Variants in CPA6 observed in about 807,000 individuals in gnomAD.
CPA6 encodes the protein carboxypeptidase B.
CPA6 carries 58 observed loss-of-function variants against 63.3 expected under a neutral mutation model. That is an observed-to-expected ratio of 0.92 (90% CI 0.74 to 1.14). CPA6 has a LOEUF of 1.14. Among genes scored for constraint, CPA6 ranks in the 50% most tolerant of loss-of-function variants. The probability of loss-of-function intolerance (pLI) is 0.00; values close to 1 mark genes in which losing one functional copy is unlikely to be tolerated. For missense variants in CPA6, 565 were observed against 526.6 expected, an observed-to-expected ratio of 1.07 and a Z score of -0.71; for synonymous variants, 185 against 179.0, an observed-to-expected ratio of 1.03 and a Z score of -0.27.
At chr8:67,568,810 G>A (rs1261052317) in intron 2 of CPA6, among the ~76,000 whole-genome samples, 1 of 152,222 alleles carries the variant, frequency 6.6e-6, no homozygotes, top group Non-Finnish European at 1.5e-5. Context: ...GAGTGCAGTG[G>A]CACGATCTCG....
chr8:67,621,478 GAGGCAAGAGGC>G (rs1459215147), intron 2 of CPA6, among the ~76,000 whole-genome samples: 1 of 152,152 alleles, frequency 6.6e-6, no homozygotes, highest in Non-Finnish European at 1.5e-5. Context: ...AAACTGACTA[GAGGCAAGAGGC>G]AGGCCTCATT....
At chr8:67,611,066 G>A (rs1814793998) in intron 2 of CPA6, among the ~76,000 whole-genome samples, 1 of 147,534 alleles carries the variant, frequency 6.8e-6, no homozygotes, top group African/African-American at 2.6e-5. Context: ...CATCTACCAT[G>A]GCCATGGCCT....
At chr8:67,682,006 A>G (rs894532725) in intron 1 of CPA6, among the ~76,000 whole-genome samples, 1 of 152,132 alleles carries the variant, frequency 6.6e-6, no homozygotes, top group Non-Finnish European at 1.5e-5. Flanking sequence ...GGGGGAAAAA[A>G]CCTGTTACTT....
chr8:67,740,041 T>A (rs2129004175), intron 1 of CPA6, among the ~76,000 whole-genome samples: 1 of 152,288 alleles, frequency 6.6e-6, no homozygotes, highest in East Asian at 1.9e-4. Flanking sequence ...ACAAGAGGCA[T>A]ATTTGAAGAC....
intron 2 of CPA6, among the ~76,000 whole-genome samples, chr8:67,575,052 T>G (rs1212553550): frequency 6.6e-6 from 1 of 151,618 alleles, no homozygotes; most frequent in Non-Finnish European, 1.5e-5. Flanking sequence ...AAACAAATAA[T>G]CCAATTTAAA....
intron 8 of CPA6, among the ~76,000 whole-genome samples, chr8:67,459,714 A>G (rs1036083743): frequency 4.6e-5 from 7 of 152,216 alleles, no homozygotes; most frequent in African/African-American, 1.7e-4. Context: ...ATTTTACCAA[A>G]CCCATAGAAT....
chr8:67,434,312 T>G, intron 8 of CPA6, 72 bp from the exon 9 acceptor site: 1 of 1,178,300 alleles, frequency 8.5e-7, no homozygotes, highest in South Asian at 1.3e-5. Flanking sequence ...TCAGCACTGT[T>G]AAGCTGTGAT....
chr8:67,588,090 T>C (rs980312638), intron 2 of CPA6, among the ~76,000 whole-genome samples: 2 of 152,186 alleles, frequency 1.3e-5, no homozygotes, highest in African/African-American at 4.8e-5. Context: ...CATAGGGGGA[T>C]TGCTATTCCT....
At chr8:67,545,099 G>A (rs1812787354) in intron 2 of CPA6, among the ~76,000 whole-genome samples, 1 of 152,062 alleles carries the variant, frequency 6.6e-6, no homozygotes. Flanking sequence ...TTGGAATAAT[G>A]ATATTTTATA....
At chr8:67,697,766 G>A (rs1257062769) in intron 1 of CPA6, among the ~76,000 whole-genome samples, 3 of 149,580 alleles carry the variant, frequency 2.0e-5, no homozygotes, top group African/African-American at 7.3e-5. Flanking sequence ...GCAGTCGCAG[G>A]AAAAAAAAAA....
At chr8:67,564,065 A>T (rs777464642) in intron 2 of CPA6, among the ~76,000 whole-genome samples, 7 of 152,184 alleles carry the variant, frequency 4.6e-5, no homozygotes, top group Non-Finnish European at 1.0e-4. Flanking sequence ...CTTTGCATAA[A>T]TTGTTCACAG....
intron 2 of CPA6, among the ~76,000 whole-genome samples, chr8:67,597,260 G>T (rs200462142): frequency 6.8e-6 from 1 of 147,332 alleles, no homozygotes; most frequent in Non-Finnish European, 1.5e-5. Flanking sequence ...GTGCAGTGGC[G>T]TGATCTCAGC....
At chr8:67,520,527 T>C (rs1812237512) in intron 2 of CPA6, among the ~76,000 whole-genome samples, 1 of 152,304 alleles carries the variant, frequency 6.6e-6, no homozygotes, top group East Asian at 1.9e-4. Flanking sequence ...GAAAGGGTAT[T>C]TGAATAAGCA....
At chr8:67,643,404 TATC>T (rs1563374307) in intron 1 of CPA6, among the ~76,000 whole-genome samples, 1 of 152,218 alleles carries the variant, frequency 6.6e-6, no homozygotes, top group Non-Finnish European at 1.5e-5. Flanking sequence ...GAACCACAGA[TATC>T]ATATATCAAC....
At chr8:67,504,873 A>G (rs1811896766) in intron 6 of CPA6, among the ~76,000 whole-genome samples, 1 of 152,166 alleles carries the variant, frequency 6.6e-6, no homozygotes, top group Non-Finnish European at 1.5e-5. Context: ...TCATCTGCAC[A>G]CATGATGGCC....
At chr8:67,727,719 C>T (rs1274088008) in intron 1 of CPA6, among the ~76,000 whole-genome samples, 10 of 152,310 alleles carry the variant, frequency 6.6e-5, no homozygotes, top group Admixed American at 4.6e-4. Flanking sequence ...GGCAGTTATG[C>T]CCCTCACCTT....
intron 1 of CPA6, among the ~76,000 whole-genome samples, chr8:67,730,098 C>G (rs1005639877): frequency 6.6e-6 from 1 of 152,174 alleles, no homozygotes; most frequent in African/African-American, 2.4e-5. Context: ...TGACATTAAC[C>G]AGAACTGCCC....
At chr8:67,444,834 T>C (rs1016154868) in intron 8 of CPA6, among the ~76,000 whole-genome samples, 6 of 149,858 alleles carry the variant, frequency 4.0e-5, no homozygotes, top group African/African-American at 1.5e-4. Flanking sequence ...GTGGGGAATA[T>C]CAGTATTTAA....
At chr8:67,575,842 CAA>C (rs1220968056) in intron 2 of CPA6, among the ~76,000 whole-genome samples, 45 of 77,512 alleles carry the variant, frequency 5.8e-4, no homozygotes, top group Admixed American at 8.7e-4. Context: ...ACTCTGTCTC[CAA>C]AAAAAAAAAA....
Sources: allele counts gnomAD v4.1 joint callset (sites outside exome capture counted in the v4.1 genomes callset), GRCh38; gene constraint gnomAD v4.1.1; transcripts MANE v1.5; gene names NCBI Gene and HGNC (gene_info 2026-07-23, HGNC 2026-07-21).